The following HTT-AS variants were observed in gnomAD, a reference collection of about 807,000 sequenced individuals.
The protein encoded by HTT-AS is HTT antisense RNA (head to head).
At chr4:3,066,295 G>A (rs916866405) in intron 1 of HTT-AS, among the ~76,000 whole-genome samples, 3 of 151,978 alleles carry the variant, frequency 2.0e-5, no homozygotes, top group Non-Finnish European at 4.4e-5. Flanking sequence ...TCAGCCTCCC[G>A]AGTAGCTGGG....
chr4:3,069,335 T>C (rs1426242368), intron 1 of HTT-AS, among the ~76,000 whole-genome samples: 2 of 151,234 alleles, frequency 1.3e-5, no homozygotes, highest in African/African-American at 4.9e-5. Flanking sequence ...TTTAAATATT[T>C]AGTAGAGATG....
intron 2 of HTT-AS, among the ~76,000 whole-genome samples, chr4:3,050,605 A>G (rs1156659566): frequency 6.6e-6 from 1 of 152,222 alleles, no homozygotes; most frequent in East Asian, 1.9e-4. Context: ...ATGACTTTAA[A>G]TAGTCATAGT....
chr4:3,058,746 G>T (rs961510723), intron 2 of HTT-AS, among the ~76,000 whole-genome samples: 1 of 151,580 alleles, frequency 6.6e-6, no homozygotes, highest in African/African-American at 2.4e-5. Context: ...TTTAAATGGG[G>T]TCTTGCTCTG....
intron 2 of HTT-AS, among the ~76,000 whole-genome samples, chr4:3,055,162 G>A (rs1263686655): frequency 3.3e-5 from 5 of 152,056 alleles, no homozygotes; most frequent in African/African-American, 9.6e-5. Flanking sequence ...TCCGGGCGTG[G>A]TGGCGGGCGC....
intron 1 of HTT-AS, among the ~76,000 whole-genome samples, chr4:3,071,255 G>A (rs1297842185): frequency 2.6e-5 from 4 of 152,204 alleles, no homozygotes; most frequent in Admixed American, 2.0e-4. Context: ...TTCCAGGCCA[G>A]GCTGGAATGA....
intron 2 of HTT-AS, among the ~76,000 whole-genome samples, chr4:3,061,406 C>T (rs772471787): frequency 1.5e-4 from 23 of 152,164 alleles, no homozygotes; most frequent in Non-Finnish European, 1.0e-4. Context: ...ATTGACTGGG[C>T]GCAGTGGCTC....
intron 2 of HTT-AS, among the ~76,000 whole-genome samples, chr4:3,057,582 G>C (rs543344651): frequency 5.0e-4 from 76 of 152,208 alleles, no homozygotes; most frequent in Middle Eastern, 3.4e-3. Context: ...CTACTCCATG[G>C]GCAGAGCAGC....
intron 2 of HTT-AS, among the ~76,000 whole-genome samples, chr4:3,051,119 T>G (rs1711696586): frequency 6.8e-6 from 1 of 146,878 alleles, no homozygotes; most frequent in Non-Finnish European, 1.5e-5. Context: ...CAGGCTGGAG[T>G]ACAGTGACAG....
At chr4:3,069,348 G>T (rs1578470735) in intron 1 of HTT-AS, among the ~76,000 whole-genome samples, 1 of 149,060 alleles carries the variant, frequency 6.7e-6, no homozygotes, top group African/African-American at 2.5e-5. Flanking sequence ...TAGAGATGGG[G>T]TTTCACCATG....
At chr4:3,071,545 A>T (rs1712173980) in intron 1 of HTT-AS, among the ~76,000 whole-genome samples, 1 of 152,182 alleles carries the variant, frequency 6.6e-6, no homozygotes, top group South Asian at 2.1e-4. Flanking sequence ...GCTAAGAGGC[A>T]AACTGCTTAG....
At chr4:3,067,160 G>A (rs924545698) in intron 1 of HTT-AS, among the ~76,000 whole-genome samples, 4 of 152,208 alleles carry the variant, frequency 2.6e-5, no homozygotes, top group Non-Finnish European at 5.9e-5. Flanking sequence ...GAACTAGGAA[G>A]TAAGTCAGAT....
upstream of HTT-AS, chr4:3,074,546 G>A: frequency 3.0e-6 from 1 of 332,200 alleles, no homozygotes. Flanking sequence ...GGCAGGGGCG[G>A]GCTGGTTCCC....
At chr4:3,074,269 T>A in intron 1 of HTT-AS, among the ~76,000 whole-genome samples, 1 of 53,884 alleles carries the variant, frequency 1.9e-5, no homozygotes, top group Admixed American at 2.3e-4. Context: ...GCGGCCTCCC[T>A]GCTGTGCCCC....
rs1418461407 is a variant in HTT-AS at position 3,057,727 on chromosome 4, G to A, written n.1380+4707C>T. Among the ~76,000 whole-genome samples the A allele has an allele frequency of 6.6e-5, 10 of 151,968 alleles. No homozygotes were observed. The East Asian group carries it at 1.2e-3, about 18-fold the overall frequency. On this transcript the variant is annotated intron_variant and non_coding_transcript_variant, in intron 2 of 2. Transcript: ENST00000664062. ...CGGCTCACTGCAAGCTCCGCCTCCC[G>A]GGTTCATGCCATTCTTCTGCCTCAG...
chr4:3,061,986 T>TAAAAAAAA, intron 2 of HTT-AS, among the ~76,000 whole-genome samples: 1 of 63,426 alleles, frequency 1.6e-5, no homozygotes, highest in Non-Finnish European at 3.2e-5. Context: ...TATCTCAAAT[T>TAAAAAAAA]AAAAAAAAAA....
At chr4:3,062,034 A>C (rs1271634512) in intron 2 of HTT-AS, among the ~76,000 whole-genome samples, 1 of 149,180 alleles carries the variant, frequency 6.7e-6, no homozygotes, top group Non-Finnish European at 1.5e-5. Context: ...ATATGCATCT[A>C]TCTCAGTGAG....
chr4:3,073,689 C>CACCCGCCTGCAGGCTGGG (rs1712261984), intron 1 of HTT-AS, among the ~76,000 whole-genome samples: 1 of 152,210 alleles, frequency 6.6e-6, no homozygotes, highest in African/African-American at 2.4e-5. Flanking sequence ...GGCCTGTGGA[C>CACCCGCCTGCAGGCTGGG]ACCGCCCTGC....
At chr4:3,047,248 T>C (rs1451239087), downstream of HTT-AS, among the ~76,000 whole-genome samples, 2 of 152,090 alleles carry the variant, frequency 1.3e-5, no homozygotes, top group Non-Finnish European at 1.5e-5. Context: ...GAGGCGGAGC[T>C]TGCAGTGAGC....
chr4:3,059,983 G>A (rs568752348), intron 2 of HTT-AS, among the ~76,000 whole-genome samples: 19 of 150,904 alleles, frequency 1.3e-4, no homozygotes, highest in Admixed American at 2.0e-4. Context: ...GTTCAGTGGC[G>A]TGATCTCAGC....
Sources: gnomAD v4.1 joint callset for allele counts (sites outside exome capture counted in the v4.1 genomes callset) on GRCh38, gnomAD v4.1.1 for gene constraint, MANE v1.5 for transcripts, NCBI Gene and HGNC (gene_info 2026-07-23, HGNC 2026-07-21) for gene names.